Variants in LIN28B observed in about 807,000 individuals in gnomAD.
The protein encoded by LIN28B is protein lin-28 homolog B.
LIN28B carries 5 observed loss-of-function variants against 21.9 expected under a neutral mutation model. The observed-to-expected ratio is 0.23, with a 90% CI of 0.12 to 0.48. LIN28B has a LOEUF of 0.48. LIN28B is among the 20% of genes least tolerant of loss of function. LIN28B has a pLI of 0.98. For synonymous variants in LIN28B, 109 were observed against 111.3 expected (o/e 0.98, Z 0.13); for missense variants, 245 against 310.5 (o/e 0.79, Z 1.58).
chr6:105,080,540 AAC>A lies in LIN28B; in HGVS notation c.*1759_*1760del, dbSNP rs1362942700. The stretch of plus-strand genomic sequence containing the variant: ...CTTTACAACTCAGCTTGAATTTCAC[AAC>A]AGTGATTGTGAGAATCTGCGTGGTA... On this transcript the variant is annotated 3_prime_UTR_variant, in exon 4 of 4. Transcript: ENST00000345080. The A allele has an allele frequency of 6.6e-6, 1 of 152,588 alleles. No homozygotes were observed. The highest frequency in any genetic ancestry group is 1.5e-5 in the Non-Finnish European group (1 of 68,036). 9.5% of individuals were successfully genotyped at this position (152,588 alleles called of 1,614,324 possible). A position where few individuals can be genotyped will look rare whatever the true frequency, so the allele number is the denominator to read the frequency against.
intron 3 of LIN28B, among the ~76,000 whole-genome samples, chr6:105,049,475 T>G (rs976751771): frequency 2.0e-5 from 3 of 152,222 alleles, no homozygotes; most frequent in Non-Finnish European, 2.9e-5. Flanking sequence ...GAATGGATAT[T>G]CTGTTGATTT....
intron 2 of LIN28B, among the ~76,000 whole-genome samples, chr6:105,006,429 A>G (rs1340749513): frequency 6.6e-6 from 1 of 152,124 alleles, no homozygotes; most frequent in Non-Finnish European, 1.5e-5. Flanking sequence ...CTCCTGTCTC[A>G]GCCTCCTGAG....
chr6:105,066,918 A>T (rs1772230529), intron 3 of LIN28B, among the ~76,000 whole-genome samples: 1 of 152,156 alleles, frequency 6.6e-6, no homozygotes, highest in South Asian at 2.1e-4. Context: ...AAAAGAAATC[A>T]TGCGATGAGA....
intron 2 of LIN28B, among the ~76,000 whole-genome samples, chr6:104,985,138 T>C (rs921009689): frequency 3.3e-5 from 5 of 152,178 alleles, no homozygotes; most frequent in Non-Finnish European, 7.4e-5. Context: ...ACAAAAATAT[T>C]TTTGTCTTAC....
rs1424646379 is a variant in LIN28B at position 105,078,980 on chromosome 6, G to C, written c.*197G>C. 5.1e-6 allele frequency: 3 copies of C among 587,424 alleles called. No homozygotes were observed. In the Admixed American group the frequency reaches 9.3e-5, roughly 18 times the overall value. 36.4% of individuals were successfully genotyped at this position (587,424 alleles called of 1,614,324 possible). ...GTGTCATGTTTTATGTTAATTCAGA[G>C]AATAAGATACTATGTCTGTCAATAT... On this transcript the variant is annotated 3_prime_UTR_variant, in exon 4 of 4. Transcript: ENST00000345080.
At chr6:105,074,553 G>A (rs527993382) in intron 3 of LIN28B, among the ~76,000 whole-genome samples, 26 of 152,082 alleles carry the variant, frequency 1.7e-4, no homozygotes, top group South Asian at 8.3e-4. Flanking sequence ...TGTTGACTTT[G>A]ATTTGATTGT....
intron 2 of LIN28B, among the ~76,000 whole-genome samples, chr6:104,938,675 G>T (rs185657532): frequency 2.6e-5 from 4 of 151,214 alleles, no homozygotes; most frequent in African/African-American, 9.7e-5. Context: ...AAAAGAAATT[G>T]CCAAGAGCCA....
At position 105,082,558 on chromosome 6, in the gene LIN28B, G is replaced by C. The variant is rs538546876; in HGVS notation, c.*3775G>C. 6.6e-6 allele frequency: 1 copy of C among 152,616 alleles called. No individual in the cohort carries two copies. Among genetic ancestry groups the C allele is most frequent in the Admixed American group, 6.5e-5 (1 of 15,274 alleles). 9.5% of individuals were successfully genotyped at this position (152,616 alleles called of 1,614,324 possible). On this transcript the variant is annotated 3_prime_UTR_variant, in exon 4 of 4. Coordinates refer to ENST00000345080, the MANE Select transcript of LIN28B (RefSeq NM_001004317.4). ...ATAAAATTTGGGAAAGTATGTACAA[G>C]TGCAGCTGCACTGACTTTAATTTTC... is the stretch of plus-strand genomic sequence containing the variant.
intron 2 of LIN28B, among the ~76,000 whole-genome samples, chr6:105,004,466 C>CT (rs932307515): frequency 3.3e-5 from 5 of 149,888 alleles, no homozygotes; most frequent in African/African-American, 7.3e-5. Context: ...ACTTCTGTAT[C>CT]TTTTTTTTTT....
intron 3 of LIN28B, among the ~76,000 whole-genome samples, chr6:105,039,274 C>A (rs963002671): frequency 3.3e-5 from 5 of 152,098 alleles, no homozygotes; most frequent in African/African-American, 1.2e-4. Flanking sequence ...GTCATTTTCA[C>A]ACAAAGAGAA....
chr6:104,984,632 C>T (rs1003889561), intron 2 of LIN28B, among the ~76,000 whole-genome samples: 1 of 152,008 alleles, frequency 6.6e-6, no homozygotes, highest in Non-Finnish European at 1.5e-5. Flanking sequence ...GTCAGGGTCT[C>T]ATTATGTTGA....
rs147629970 is a variant in LIN28B at position 105,009,666 on chromosome 6, C to A, written c.199-16632C>A. Among the ~76,000 whole-genome samples, 251 of 152,288 alleles carry A rather than the reference C, an allele frequency of 1.6e-3. 9 individuals carry two copies. The East Asian group carries it at 0.046, about 28-fold the overall frequency. On this transcript the variant is annotated intron_variant, in intron 2 of 3. Coordinates refer to ENST00000345080, the MANE Select transcript of LIN28B (RefSeq NM_001004317.4). ...TAGCGCACTGTTCTCAAAGCCAGAT[C>A]AGCTCCACGAAGATGGCTGAAACTG...
At chr6:105,017,955 A>G (rs1771062725) in intron 2 of LIN28B, among the ~76,000 whole-genome samples, 1 of 152,166 alleles carries the variant, frequency 6.6e-6, no homozygotes, top group South Asian at 2.1e-4. Flanking sequence ...GTTAGACATA[A>G]TAAAGTGCTT....
intron 2 of LIN28B, among the ~76,000 whole-genome samples, chr6:104,942,492 A>G (rs1314819878): frequency 1.3e-5 from 2 of 152,148 alleles, no homozygotes; most frequent in Non-Finnish European, 2.9e-5. Context: ...GCCAATTTGT[A>G]TGAAAAAATA....
intron 3 of LIN28B, among the ~76,000 whole-genome samples, chr6:105,070,099 T>C (rs1772302308): frequency 6.6e-6 from 1 of 152,164 alleles, no homozygotes; most frequent in East Asian, 1.9e-4. Context: ...GTGGGAAATA[T>C]TGTCAGTGCG....
At chr6:104,972,942 C>T (rs1770008324) in intron 2 of LIN28B, among the ~76,000 whole-genome samples, 1 of 151,976 alleles carries the variant, frequency 6.6e-6, no homozygotes, top group Non-Finnish European at 1.5e-5. Context: ...AAAACGCTGT[C>T]TCTACTAAAA....
chr6:105,023,227 A>AAT (rs1554188159), intron 2 of LIN28B, among the ~76,000 whole-genome samples: 2 of 94,384 alleles, frequency 2.1e-5, no homozygotes, highest in South Asian at 2.7e-4. Flanking sequence ...ATATATATAT[A>AAT]ATATATATTA....
upstream of LIN28B, among the ~76,000 whole-genome samples, chr6:104,953,077 G>A (rs901117901): frequency 6.6e-6 from 1 of 152,230 alleles, no homozygotes; most frequent in African/African-American, 2.4e-5. Flanking sequence ...ACCAAAACGC[G>A]GCGGAAGGAA....
intron 2 of LIN28B, among the ~76,000 whole-genome samples, chr6:104,968,610 G>A (rs1055571833): frequency 7.9e-5 from 12 of 151,738 alleles, no homozygotes; most frequent in African/African-American, 2.4e-4. Context: ...TTGCTATTTC[G>A]TTTTATGGTG....
Sources: gnomAD v4.1 joint callset for allele counts (sites outside exome capture counted in the v4.1 genomes callset) on GRCh38, gnomAD v4.1.1 for gene constraint, MANE v1.5 for transcripts, NCBI Gene and HGNC (gene_info 2026-07-23, HGNC 2026-07-21) for gene names.